The following SLC35F1 variants were observed in gnomAD, a reference collection of about 807,000 sequenced individuals.
SLC35F1 encodes the protein chromosome 6 open reading frame 169.
SLC35F1 carries 14 observed loss-of-function variants against 48.7 expected under a neutral mutation model. That is an observed-to-expected ratio of 0.29 (90% CI 0.19 to 0.45). The LOEUF (loss-of-function observed/expected upper bound fraction) is 0.45, where lower values mean the gene tolerates loss of function less well. Ranked by LOEUF, SLC35F1 falls within the 20% of genes least tolerant of loss-of-function variation. SLC35F1 has a pLI of 1.00. For synonymous variants in SLC35F1, 190 were observed against 202.2 expected (o/e 0.94, Z 0.51); for missense variants, 404 against 500.0 (o/e 0.81, Z 1.83).
In SLC35F1 at chr6:117,984,485, C is replaced by A. The variant is rs1856473; in HGVS notation, c.173+76586C>A. On this transcript the variant is annotated intron_variant, in intron 1 of 7. Transcript: ENST00000360388. ...CTGCACTCTGGGCGACAGAGCAAGA[C>A]TCGGTCTCAAAAAAAAAAAAAAAAA... Among the ~76,000 whole-genome samples, 565 of 142,406 alleles carry A rather than the reference C, an allele frequency of 4.0e-3. 3 individuals carry two copies. Among genetic ancestry groups the A allele is most frequent in the Middle Eastern group, 0.019 (5 of 270 alleles). 93.4% of individuals were successfully genotyped at this position (142,406 alleles called of 152,430 possible).
chr6:117,956,526 G>T (rs535002511), intron 1 of SLC35F1, among the ~76,000 whole-genome samples: 1 of 152,200 alleles, frequency 6.6e-6, no homozygotes. Context: ...CGGGGACAGT[G>T]CCTGGAATCT....
At chr6:118,059,554 C>T (rs958404346) in intron 1 of SLC35F1, among the ~76,000 whole-genome samples, 2 of 152,124 alleles carry the variant, frequency 1.3e-5, no homozygotes, top group African/African-American at 4.8e-5. Flanking sequence ...TTACAATAAC[C>T]ATGTTTATAT....
rs965057799 is a variant in SLC35F1, at chr6:118,285,094, G to T, written c.848-90G>T. 7.3e-6 allele frequency: 10 copies of T among 1,373,116 alleles called. No homozygotes were observed. In the South Asian group the frequency reaches 1.2e-4, roughly 16 times the overall value. 85.1% of individuals were successfully genotyped at this position (1,373,116 alleles called of 1,614,324 possible). ...AACTGCCTTGTGTGAGTGACAAGTG[G>T]TGTGCACTCTTCCCCTTCTTTCCTG... On this transcript the variant is annotated intron_variant, in intron 6 of 7. Transcript: ENST00000360388.
At chr6:118,202,906 A>T (rs1774889527) in intron 2 of SLC35F1, among the ~76,000 whole-genome samples, 1 of 152,310 alleles carries the variant, frequency 6.6e-6, no homozygotes, top group South Asian at 2.1e-4. Context: ...CAAGTTTTGG[A>T]TGACAATTTT....
At chr6:118,139,850 A>G (rs1773856880) in intron 1 of SLC35F1, among the ~76,000 whole-genome samples, 1 of 152,170 alleles carries the variant, frequency 6.6e-6, no homozygotes, top group Admixed American at 6.5e-5. Context: ...TGTTATATCA[A>G]AGGAGCATTA....
intron 1 of SLC35F1, among the ~76,000 whole-genome samples, chr6:118,040,673 T>C (rs1772203544): frequency 6.6e-6 from 1 of 152,012 alleles, no homozygotes; most frequent in South Asian, 2.1e-4. Context: ...AGGTTAGTAG[T>C]TTAACCTCAT....
chr6:118,067,827 T>A (rs1052469230), intron 1 of SLC35F1, among the ~76,000 whole-genome samples: 12 of 152,070 alleles, frequency 7.9e-5, no homozygotes, highest in African/African-American at 2.4e-4. Context: ...CAGACTGCTG[T>A]GCCCCACTCC....
chr6:117,995,791 C>A (rs1776979003), intron 1 of SLC35F1, among the ~76,000 whole-genome samples: 1 of 151,988 alleles, frequency 6.6e-6, no homozygotes, highest in Admixed American at 6.6e-5. Context: ...AAAGGGCAGT[C>A]ATATTCAAAG....
At chr6:118,305,244 T>TG (rs1267495634) in intron 7 of SLC35F1, among the ~76,000 whole-genome samples, 1 of 151,648 alleles carries the variant, frequency 6.6e-6, no homozygotes, top group East Asian at 1.9e-4. Context: ...TTCCTCTTCC[T>TG]GGGGGGCCCT....
At chr6:118,225,517 A>G (rs9489321) in intron 2 of SLC35F1, among the ~76,000 whole-genome samples, 2,717 of 152,294 alleles carry the variant, frequency 0.018, 70 homozygotes, top group African/African-American at 0.061. Flanking sequence ...CTTAAGTCTA[A>G]TACCTGAAAC....
intron 1 of SLC35F1, among the ~76,000 whole-genome samples, chr6:118,146,558 T>A (rs1198558728): frequency 6.6e-6 from 1 of 152,186 alleles, no homozygotes; most frequent in Non-Finnish European, 1.5e-5. Context: ...CATTTTCAGA[T>A]TGGCTTTGTC....
chr6:117,960,643 A>G (rs956884487), intron 1 of SLC35F1, among the ~76,000 whole-genome samples: 2 of 152,152 alleles, frequency 1.3e-5, no homozygotes, highest in African/African-American at 4.8e-5. Flanking sequence ...TATCTGGTAT[A>G]TCCCCCCCAA....
chr6:118,180,080 A>G (rs1169480340), intron 2 of SLC35F1, among the ~76,000 whole-genome samples: 1 of 152,152 alleles, frequency 6.6e-6, no homozygotes, highest in Non-Finnish European at 1.5e-5. Context: ...AAATAGGAAA[A>G]ACATTTCTCC....
intron 1 of SLC35F1, among the ~76,000 whole-genome samples, chr6:117,966,733 C>A (rs2114839844): frequency 6.6e-6 from 1 of 152,338 alleles, no homozygotes; most frequent in South Asian, 2.1e-4. Flanking sequence ...GGTCTTGTCT[C>A]TGTTTCCTGT....
intron 3 of SLC35F1, among the ~76,000 whole-genome samples, chr6:118,236,253 C>T (rs1336956083): frequency 6.6e-6 from 1 of 152,198 alleles, no homozygotes. Flanking sequence ...TGAACACACA[C>T]ACACACAATT....
intron 2 of SLC35F1, among the ~76,000 whole-genome samples, chr6:118,188,632 T>A (rs1312191850): frequency 6.6e-6 from 1 of 152,048 alleles, no homozygotes; most frequent in Non-Finnish European, 1.5e-5. Context: ...TTCAGTATCA[T>A]GTTTCTTAAA....
intron 2 of SLC35F1, among the ~76,000 whole-genome samples, chr6:118,188,695 A>G (rs980406784): frequency 6.6e-6 from 1 of 152,236 alleles, no homozygotes; most frequent in Admixed American, 6.5e-5. Flanking sequence ...TTGTATATAT[A>G]CACCACATTT....
At chr6:117,943,859 G>T (rs1327159366) in intron 1 of SLC35F1, among the ~76,000 whole-genome samples, 1 of 151,914 alleles carries the variant, frequency 6.6e-6, no homozygotes, top group Non-Finnish European at 1.5e-5. Flanking sequence ...TTTTTCTTTT[G>T]CCTACTCTTA....
chr6:117,980,149 C>T (rs138813701), intron 1 of SLC35F1, among the ~76,000 whole-genome samples: 3,031 of 152,196 alleles, frequency 0.02, 46 homozygotes, highest in Non-Finnish European at 0.028. Flanking sequence ...GAGGTGTTCT[C>T]AACATCGTTG....
Sources: allele counts gnomAD v4.1 joint callset (sites outside exome capture counted in the v4.1 genomes callset), GRCh38; gene constraint gnomAD v4.1.1; transcripts MANE v1.5; gene names NCBI Gene and HGNC (gene_info 2026-07-23, HGNC 2026-07-21).